The following INSYN2B variants were observed in gnomAD, a reference collection of about 807,000 sequenced individuals.
INSYN2B encodes the protein protein INSYN2B.
In INSYN2B, 16 loss-of-function variants were observed where a neutral mutation model predicts 41.2. The ratio of observed to expected loss-of-function variants is 0.39; its 90% CI spans 0.26 to 0.59. The LOEUF is 0.59. Ranked by LOEUF, INSYN2B falls within the 20% of genes least tolerant of loss-of-function variation. The pLI is 0.57. For missense variants in INSYN2B, 608 were observed against 646.4 expected, an observed-to-expected ratio of 0.94 and a Z score of 0.64; for synonymous variants, 245 against 244.4, an observed-to-expected ratio of 1.00 and a Z score of -0.02.
Position 169,914,026 on chromosome 5 carries a change from A to G in INSYN2B, c.-918-29210T>C, listed in dbSNP as rs562287098. 2.6e-5 allele frequency among the ~76,000 whole-genome samples: 4 copies of G among 152,330 alleles called. No homozygotes were observed. In the East Asian group the frequency reaches 5.8e-4, roughly 22 times the overall value. ...AGTTTACTAATAGACTTTGATGGAC[A>G]CCCAAAGATGTTTACTAAAGATGCC... On this transcript the variant is annotated intron_variant, in intron 1 of 3. Coordinates refer to ENST00000377365, the MANE Select transcript of INSYN2B (RefSeq NM_001129891.3).
chr5:169,893,868 C>T (rs745640641), intron 1 of INSYN2B, among the ~76,000 whole-genome samples: 1 of 152,170 alleles, frequency 6.6e-6, no homozygotes, highest in Non-Finnish European at 1.5e-5. Flanking sequence ...GCAGGAAAAT[C>T]GTTTTCCATC....
At chr5:169,875,514 T>C in intron 3 of INSYN2B, 1 of 320,932 alleles carries the variant, frequency 3.1e-6, no homozygotes, top group South Asian at 2.6e-5. Context: ...ATCTGGCTTG[T>C]TGGAAGACAG....
chr5:169,955,965 G>A (rs1473248074), intron 1 of INSYN2B, among the ~76,000 whole-genome samples: 1 of 151,834 alleles, frequency 6.6e-6, no homozygotes, highest in African/African-American at 2.4e-5. Flanking sequence ...GGTCATGAGA[G>A]TCCTAAAAAG....
At chr5:169,955,983 G>A (rs1776849227) in intron 1 of INSYN2B, among the ~76,000 whole-genome samples, 1 of 151,998 alleles carries the variant, frequency 6.6e-6, no homozygotes, top group South Asian at 2.1e-4. Context: ...AAGGAACAGG[G>A]TGTGGCTCTG....
intron 1 of INSYN2B, among the ~76,000 whole-genome samples, chr5:169,925,832 C>CTGTT (rs1245260155): frequency 1.3e-5 from 2 of 152,236 alleles, no homozygotes; most frequent in Non-Finnish European, 2.9e-5. Context: ...GCTATTATCA[C>CTGTT]TGTTTCTGGA....
chr5:169,903,313 A>AG (rs1774056407), intron 1 of INSYN2B, among the ~76,000 whole-genome samples: 1 of 57,724 alleles, frequency 1.7e-5, no homozygotes, highest in South Asian at 7.0e-4. Flanking sequence ...AACAACAATA[A>AG]AAAAAAAAAA....
chr5:169,939,104 CCG>C (rs1776123468), intron 1 of INSYN2B, among the ~76,000 whole-genome samples: 3 of 151,962 alleles, frequency 2.0e-5, no homozygotes, highest in Non-Finnish European at 2.9e-5. Context: ...CGGGGTTTCA[CCG>C]CATTAGCCAG....
At chr5:169,942,149 T>C (rs535732751) in intron 1 of INSYN2B, among the ~76,000 whole-genome samples, 8 of 152,366 alleles carry the variant, frequency 5.3e-5, no homozygotes, top group African/African-American at 1.9e-4. Flanking sequence ...ATTAAGATGT[T>C]GACACCTGAG....
intron 1 of INSYN2B, among the ~76,000 whole-genome samples, chr5:169,931,469 A>C (rs1011632688): frequency 6.6e-6 from 1 of 152,222 alleles, no homozygotes; most frequent in Non-Finnish European, 1.5e-5. Flanking sequence ...AAGTGCACTA[A>C]GTTCCTGGCA....
intron 1 of INSYN2B, among the ~76,000 whole-genome samples, chr5:169,905,137 G>C (rs765389664): frequency 1.2e-4 from 18 of 152,210 alleles, no homozygotes; most frequent in Non-Finnish European, 2.5e-4. Context: ...GGTTTAGGAA[G>C]GGTTGCAAAC....
intron 3 of INSYN2B, among the ~76,000 whole-genome samples, chr5:169,878,711 G>A (rs1480974718): frequency 6.6e-6 from 1 of 152,206 alleles, no homozygotes; most frequent in Non-Finnish European, 1.5e-5. Context: ...TGCTATGGTG[G>A]CATTCACTCA....
intron 3 of INSYN2B, among the ~76,000 whole-genome samples, chr5:169,864,891 CA>C (rs1395432786): frequency 1.3e-5 from 2 of 152,200 alleles, no homozygotes; most frequent in Admixed American, 1.3e-4. Context: ...GCACCTATCT[CA>C]AAGGCTTTCT....
At chr5:169,876,212 C>A (rs371432150) in intron 3 of INSYN2B, among the ~76,000 whole-genome samples, 58 of 152,234 alleles carry the variant, frequency 3.8e-4, no homozygotes, top group Non-Finnish European at 2.1e-4. Context: ...GACAACCCAC[C>A]CTGCTCTCCT....
intron 1 of INSYN2B, among the ~76,000 whole-genome samples, chr5:169,948,686 TCACTG>T (rs1166748402): frequency 6.6e-6 from 1 of 151,230 alleles, no homozygotes; most frequent in Non-Finnish European, 1.5e-5. Context: ...TGATTATGGC[TCACTG>T]CAGTCTGGAA....
chr5:169,917,179 A>G (rs1406547526), intron 1 of INSYN2B, among the ~76,000 whole-genome samples: 3 of 152,218 alleles, frequency 2.0e-5, no homozygotes, highest in Non-Finnish European at 2.9e-5. Flanking sequence ...CAATCTGGGT[A>G]GGGATTCCAG....
At chr5:169,887,725 T>C (rs56270722) in intron 1 of INSYN2B, among the ~76,000 whole-genome samples, 5,397 of 152,322 alleles carry the variant, frequency 0.035, 192 homozygotes, top group African/African-American at 0.091. Context: ...CTAATTATCT[T>C]CTTGAAATAA....
chr5:169,930,984 C>G (rs909646332), intron 1 of INSYN2B, among the ~76,000 whole-genome samples: 1 of 152,206 alleles, frequency 6.6e-6, no homozygotes. Flanking sequence ...ACAGCCATGG[C>G]AGGTACTCAT....
At chr5:169,896,506 A>C (rs261066) in intron 1 of INSYN2B, among the ~76,000 whole-genome samples, 114,231 of 152,158 alleles carry the variant, frequency 0.75, 43,744 homozygotes, top group African/African-American at 0.89. Flanking sequence ...ACTTAAGAAG[A>C]TGTAGCTAAT....
chr5:169,964,467 A>G (rs1016280520), intron 1 of INSYN2B, among the ~76,000 whole-genome samples: 1 of 152,232 alleles, frequency 6.6e-6, no homozygotes, highest in Non-Finnish European at 1.5e-5. Context: ...AGACGCAGTG[A>G]ACTGTGTCAG....
Sources: allele counts gnomAD v4.1 joint callset (sites outside exome capture counted in the v4.1 genomes callset), GRCh38; gene constraint gnomAD v4.1.1; transcripts MANE v1.5; gene names NCBI Gene and HGNC (gene_info 2026-07-23, HGNC 2026-07-21).